CCSER1: variants seen among roughly 807,000 people sequenced by gnomAD.
The protein encoded by CCSER1 is coiled-coil serine rich protein 1, also known as serine-rich coiled-coil domain-containing protein 1.
CCSER1 carries 41 observed loss-of-function variants against 82.0 expected under a neutral mutation model. The observed-to-expected ratio is 0.50, with a 90% confidence interval of 0.39 to 0.65. The LOEUF is 0.65. Among genes scored for constraint, CCSER1 ranks in the 30% least tolerant of loss-of-function variants. The pLI is 0.00. For synonymous variants in CCSER1, 414 were observed against 383.9 expected (o/e 1.08, Z -0.92); for missense variants, 1,119 against 1,064.2 (o/e 1.05, Z -0.72).
intron 6 of CCSER1, among the ~76,000 whole-genome samples, chr4:90,685,199 A>G (rs1734594339): frequency 6.6e-6 from 1 of 152,028 alleles, no homozygotes; most frequent in Non-Finnish European, 1.5e-5. Flanking sequence ...GCTCTTTCCA[A>G]TATTCTGCCT....
chr4:90,479,813 T>G (rs896919150), intron 5 of CCSER1, among the ~76,000 whole-genome samples: 2 of 152,196 alleles, frequency 1.3e-5, no homozygotes, highest in East Asian at 3.9e-4. Flanking sequence ...TCTTTGCTAT[T>G]GTGAATAGTG....
intron 6 of CCSER1, among the ~76,000 whole-genome samples, chr4:90,692,500 T>A (rs1736184767): frequency 6.6e-6 from 1 of 151,910 alleles, no homozygotes; most frequent in African/African-American, 2.4e-5. Flanking sequence ...AGAGATTGTG[T>A]TATAGGCATA....
At chr4:90,264,452 G>A (rs1724892561) in intron 1 of CCSER1, among the ~76,000 whole-genome samples, 1 of 152,056 alleles carries the variant, frequency 6.6e-6, no homozygotes, top group South Asian at 2.1e-4. Context: ...TTTATAAAAA[G>A]TTAGTTTATT....
chr4:91,245,122 A>G (rs1400557961), intron 10 of CCSER1, among the ~76,000 whole-genome samples: 1 of 152,086 alleles, frequency 6.6e-6, no homozygotes, highest in East Asian at 1.9e-4. Context: ...AATAGAAAAC[A>G]ATAAAGCACA....
chr4:90,850,969 G>T (rs996399079), intron 8 of CCSER1, among the ~76,000 whole-genome samples: 159 of 152,256 alleles, frequency 1.0e-3, no homozygotes, highest in African/African-American at 2.9e-3. Flanking sequence ...GGAGATAATT[G>T]AATCATGGAC....
chr4:90,457,697 G>T (rs990372454), intron 4 of CCSER1, among the ~76,000 whole-genome samples: 8 of 152,104 alleles, frequency 5.3e-5, no homozygotes, highest in African/African-American at 1.9e-4. Flanking sequence ...TGTGCTGATT[G>T]TTCCATGGGC....
intron 10 of CCSER1, among the ~76,000 whole-genome samples, chr4:91,130,881 T>G (rs1368136401): frequency 6.6e-6 from 1 of 151,778 alleles, no homozygotes; most frequent in African/African-American, 2.4e-5. Flanking sequence ...AAATATATTA[T>G]TTAGGTTAAA....
At chr4:91,304,764 A>T (rs569672574) in intron 10 of CCSER1, among the ~76,000 whole-genome samples, 2 of 152,058 alleles carry the variant, frequency 1.3e-5, no homozygotes, top group Non-Finnish European at 2.9e-5. Flanking sequence ...TAATGGAAAC[A>T]TATGTATTTA....
At chr4:90,566,894 G>T (rs1430023709) in intron 5 of CCSER1, among the ~76,000 whole-genome samples, 6 of 151,458 alleles carry the variant, frequency 4.0e-5, no homozygotes, top group Admixed American at 3.9e-4. Context: ...GAGCCACAGC[G>T]CCCGGCCACC....
intron 1 of CCSER1, among the ~76,000 whole-genome samples, chr4:90,213,451 A>G (rs1310235156): frequency 6.6e-6 from 1 of 152,138 alleles, no homozygotes; most frequent in African/African-American, 2.4e-5. Flanking sequence ...TTCACAGGCT[A>G]GATCTGGGCT....
intron 10 of CCSER1, among the ~76,000 whole-genome samples, chr4:91,358,069 A>C (rs1245967902): frequency 1.3e-5 from 2 of 152,080 alleles, no homozygotes; most frequent in Non-Finnish European, 2.9e-5. Flanking sequence ...TTTGCTATTA[A>C]TAAGACCTTG....
At chr4:90,984,578 A>G (rs1479252917) in intron 9 of CCSER1, among the ~76,000 whole-genome samples, 1 of 151,696 alleles carries the variant, frequency 6.6e-6, no homozygotes, top group Non-Finnish European at 1.5e-5. Context: ...TAGTTGAGTT[A>G]GCCCCCCATG....
chr4:90,479,891 C>A (rs1292117834), intron 5 of CCSER1, among the ~76,000 whole-genome samples: 1 of 152,158 alleles, frequency 6.6e-6, no homozygotes, highest in East Asian at 1.9e-4. Flanking sequence ...GATATATACC[C>A]AGTAATGGGA....
chr4:90,335,115 T>G (rs570171931), intron 3 of CCSER1, among the ~76,000 whole-genome samples: 1 of 152,306 alleles, frequency 6.6e-6, no homozygotes, highest in Non-Finnish European at 1.5e-5. Flanking sequence ...ATCAACTACC[T>G]TATTCAAAGG....
At chr4:90,531,618 G>A (rs1026629229) in intron 5 of CCSER1, among the ~76,000 whole-genome samples, 52 of 152,132 alleles carry the variant, frequency 3.4e-4, no homozygotes, top group African/African-American at 1.2e-3. Flanking sequence ...AATCATATTC[G>A]GAGTCAGGAT....
chr4:90,691,384 A>G (rs1004348707), intron 6 of CCSER1, among the ~76,000 whole-genome samples: 3 of 151,968 alleles, frequency 2.0e-5, no homozygotes, highest in African/African-American at 7.2e-5. Context: ...AAAAAAACTC[A>G]TATATATGTG....
At chr4:90,651,967 T>C (rs1238335456) in intron 6 of CCSER1, among the ~76,000 whole-genome samples, 1 of 152,082 alleles carries the variant, frequency 6.6e-6, no homozygotes, top group East Asian at 1.9e-4. Context: ...AATGGAAAAA[T>C]TAAGTTCATG....
intron 10 of CCSER1, among the ~76,000 whole-genome samples, chr4:91,380,237 G>A (rs1317914369): frequency 1.3e-5 from 2 of 152,148 alleles, no homozygotes; most frequent in Non-Finnish European, 2.9e-5. Flanking sequence ...ATTTGGGGTG[G>A]AGAGTTCTGT....
At chr4:90,233,367 A>T (rs1343297027) in intron 1 of CCSER1, among the ~76,000 whole-genome samples, 2 of 152,098 alleles carry the variant, frequency 1.3e-5, no homozygotes, top group African/African-American at 2.4e-5. Flanking sequence ...GTAAACTATC[A>T]CAAGAACAAA....
Sources: gnomAD v4.1 joint callset for allele counts (sites outside exome capture counted in the v4.1 genomes callset) on GRCh38, gnomAD v4.1.1 for gene constraint, MANE v1.5 for transcripts, NCBI Gene and HGNC (gene_info 2026-07-23, HGNC 2026-07-21) for gene names.